Variants in NBAS observed in about 807,000 individuals in gnomAD.
The protein encoded by NBAS is NAG/BC035112 fusion.
A neutral mutation model predicts 302.5 loss-of-function variants in NBAS; 219 were observed. That is an observed-to-expected ratio of 0.72 (90% confidence interval 0.65 to 0.81). The LOEUF is 0.81. Among genes scored for constraint, NBAS ranks in the 30% least tolerant of loss-of-function variants. The pLI is 0.00. For missense variants in NBAS, 2,932 were observed against 2,841.6 expected (o/e 1.03, Z -0.72); for synonymous variants, 1,118 against 1,021.6 (o/e 1.09, Z -1.80).
chr2:15,170,401 T>A (rs528356940), intron 51 of NBAS, among the ~76,000 whole-genome samples: 1 of 152,206 alleles, frequency 6.6e-6, no homozygotes, highest in Non-Finnish European at 1.5e-5. Context: ...TGGCTGAGAA[T>A]GCCTAAGGCT....
At chr2:15,419,775 G>A (rs1677122469) in intron 23 of NBAS, among the ~76,000 whole-genome samples, 1 of 151,770 alleles carries the variant, frequency 6.6e-6, no homozygotes, top group South Asian at 2.1e-4. Flanking sequence ...GCAATGGTGC[G>A]ATCTCGGCTC....
At chr2:14,950,911 G>A in the NBAS span, among the ~76,000 whole-genome samples, 2 of 152,198 alleles carry the variant, frequency 1.3e-5, no homozygotes, top group African/African-American at 4.8e-5. Flanking sequence ...CTTTGTCCCT[G>A]TAGTTCTTGA....
chr2:15,139,699 C>T, the NBAS span, among the ~76,000 whole-genome samples: 166 of 152,252 alleles, frequency 1.1e-3, no homozygotes, highest in Non-Finnish European at 1.5e-3. Flanking sequence ...GCAAACTGAA[C>T]AAGGGTCCCT....
chr2:15,459,581 G>A (rs776004486), intron 21 of NBAS, among the ~76,000 whole-genome samples: 11 of 145,696 alleles, frequency 7.5e-5, no homozygotes, highest in East Asian at 2.0e-4. Context: ...CTGGGTTCAC[G>A]CCATTCTCCT....
At chr2:15,366,507 T>G (rs955136120) in intron 32 of NBAS, 73 bp downstream of exon 32, 20 of 1,372,462 alleles carry the variant, frequency 1.5e-5, no homozygotes, top group Non-Finnish European at 1.8e-5. Flanking sequence ...GCACATATTC[T>G]GCTATTGTCC....
At chr2:14,847,879 G>A in the NBAS span, among the ~76,000 whole-genome samples, 1 of 152,084 alleles carries the variant, frequency 6.6e-6, no homozygotes, top group Non-Finnish European at 1.5e-5. Context: ...CCATATGTTA[G>A]GTCACAAAAC....
chr2:15,155,393 G>C, the NBAS span, among the ~76,000 whole-genome samples: 2 of 152,100 alleles, frequency 1.3e-5, no homozygotes, highest in African/African-American at 4.8e-5. Flanking sequence ...GACCCAACAG[G>C]CAATGTGTTG....
At chr2:15,533,679 C>CGTGTGTGTGTGTGTGTGTGTGT (rs59222907) in intron 9 of NBAS, among the ~76,000 whole-genome samples, 50 of 144,026 alleles carry the variant, frequency 3.5e-4, no homozygotes, top group Middle Eastern at 3.5e-3. Context: ...GGGGGGTGTG[C>CGTGTGTGTGTGTGTGTGTGTGT]GTGTGTGTGT....
At chr2:15,400,924 C>T (rs1469900741) in intron 26 of NBAS, among the ~76,000 whole-genome samples, 1 of 152,086 alleles carries the variant, frequency 6.6e-6, no homozygotes, top group Non-Finnish European at 1.5e-5. Context: ...CTCTATTTCC[C>T]GTATTAACTG....
chr2:15,244,961 G>A (rs945489195), intron 44 of NBAS, among the ~76,000 whole-genome samples: 3 of 151,962 alleles, frequency 2.0e-5, no homozygotes, highest in Admixed American at 6.6e-5. Flanking sequence ...AATCACACCC[G>A]ATTTTCCAGT....
chr2:14,957,742 T>C, the NBAS span, among the ~76,000 whole-genome samples: 2 of 152,128 alleles, frequency 1.3e-5, no homozygotes, highest in South Asian at 2.1e-4. Context: ...ATCTCTCTTT[T>C]CCATGTAGCT....
At chr2:15,112,080 T>A in the NBAS span, among the ~76,000 whole-genome samples, 8 of 151,064 alleles carry the variant, frequency 5.3e-5, no homozygotes, top group Non-Finnish European at 1.2e-4. Flanking sequence ...TAGCACAGCA[T>A]CCCTAAGGAT....
At position 15,182,047 on chromosome 2, in the gene NBAS, G is replaced by A. The variant is rs1369514815; in HGVS notation, c.6712-2931C>T. Among the ~76,000 whole-genome samples, 13 of 152,314 alleles carry A rather than the reference G, an allele frequency of 8.5e-5. No homozygotes were observed. In the East Asian group the frequency reaches 2.5e-3, roughly 29 times the overall value. ...AGAAGCCCCTGGCACTGCTGGTTCT[G>A]CAGCCCCAGGTTGATCACAATCTTG... On this transcript the variant is annotated intron_variant, in intron 50 of 51. Transcript: ENST00000281513.
At chr2:15,149,769 T>C in the NBAS span, among the ~76,000 whole-genome samples, 1 of 152,202 alleles carries the variant, frequency 6.6e-6, no homozygotes, top group Non-Finnish European at 1.5e-5. Context: ...GCCTTGATCC[T>C]ATTTTGATCA....
At chr2:15,055,069 G>T in the NBAS span, among the ~76,000 whole-genome samples, 4 of 152,176 alleles carry the variant, frequency 2.6e-5, no homozygotes, top group African/African-American at 9.7e-5. Flanking sequence ...GGCACTAGAA[G>T]ATAGACATTC....
the NBAS span, among the ~76,000 whole-genome samples, chr2:14,988,314 A>G: frequency 1.3e-5 from 2 of 152,202 alleles, no homozygotes; most frequent in Non-Finnish European, 2.9e-5. Context: ...TTATCCATAT[A>G]ATTTCATTTT....
chr2:15,481,737 C>T (rs780005523), intron 12 of NBAS, among the ~76,000 whole-genome samples: 2 of 152,178 alleles, frequency 1.3e-5, no homozygotes, highest in Non-Finnish European at 2.9e-5. Context: ...CTGAAGCAAC[C>T]GAAAGGGCCT....
chr2:15,432,277 TAAA>T (rs199989865), intron 21 of NBAS, among the ~76,000 whole-genome samples: 6 of 141,002 alleles, frequency 4.3e-5, no homozygotes, highest in Admixed American at 7.1e-5. Context: ...CATCTCCACT[TAAA>T]AAAAAAAAAA....
intron 6 of NBAS, among the ~76,000 whole-genome samples, chr2:15,544,667 C>A (rs1408098287): frequency 6.6e-6 from 1 of 152,020 alleles, no homozygotes; most frequent in East Asian, 1.9e-4. Flanking sequence ...TCCAAGAAAA[C>A]AATAGCAATG....
Sources: gnomAD v4.1 joint callset for allele counts (sites outside exome capture counted in the v4.1 genomes callset) on GRCh38, gnomAD v4.1.1 for gene constraint, MANE v1.5 for transcripts, NCBI Gene and HGNC (gene_info 2026-07-23, HGNC 2026-07-21) for gene names.